Variants in ZNF506 observed in about 807,000 individuals in gnomAD.
The protein encoded by ZNF506 is zinc finger protein 506.
In ZNF506, 10 loss-of-function variants were observed where a neutral mutation model predicts 11.6. That is an observed-to-expected ratio of 0.86 (90% CI 0.53 to 1.46). The LOEUF (loss-of-function observed/expected upper bound fraction) is 1.46, where lower values mean the gene tolerates loss of function less well. Ranked by LOEUF, ZNF506 falls within the 40% of genes most tolerant of loss-of-function variation. ZNF506 has a pLI of 0.00. For synonymous variants in ZNF506, 156 were observed against 173.3 expected (o/e 0.90, Z 0.78); for missense variants, 425 against 521.2 (o/e 0.82, Z 1.80).
chr19:19,797,384 T>G (rs1274546241), intron 3 of ZNF506: 5 of 150,036 alleles, frequency 3.3e-5, no homozygotes, highest in African/African-American at 1.2e-4. Context: ...AGGCGGAGGT[T>G]GCAGTGAGCT....
chr19:19,815,978 T>C (rs1212261753), intron 1 of ZNF506, among the ~76,000 whole-genome samples: 1 of 152,126 alleles, frequency 6.6e-6, no homozygotes, highest in Non-Finnish European at 1.5e-5. Flanking sequence ...CTGGAAAATT[T>C]TTCTGATTAA....
chr19:19,802,320 A>G (rs73528905), intron 3 of ZNF506, among the ~76,000 whole-genome samples: 1 of 152,194 alleles, frequency 6.6e-6, no homozygotes, highest in African/African-American at 2.4e-5. Flanking sequence ...GTAAAATTTC[A>G]GAGAATATAT....
At chr19:19,806,775 T>C (rs972741032) in intron 2 of ZNF506, among the ~76,000 whole-genome samples, 167 bp downstream of exon 2, 1 of 152,152 alleles carries the variant, frequency 6.6e-6, no homozygotes, top group Non-Finnish European at 1.5e-5. Context: ...AGATGAAACA[T>C]CATGAAGAAA....
In ZNF506 at chr19:19,806,979, A is replaced by AT; in HGVS notation, c.92dup (p.Asp31GlufsTer19). On this transcript the variant is annotated frameshift_variant, in exon 2 of 4. Transcript: ENST00000540806. LOFTEE classifies it high-confidence loss of function. ...GGTTTCTGTAGTTCTCTAACATCAC[A>AT]TCCCTATATAGATTCCGCTGTGCAG... is the stretch of plus-strand genomic sequence containing the variant. 6.2e-7 allele frequency: 1 copy of AT among 1,613,882 alleles called. No homozygotes were observed. Among genetic ancestry groups the AT allele is most frequent in the Non-Finnish European group, 8.5e-7 (1 of 1,179,920 alleles).
intron 1 of ZNF506, among the ~76,000 whole-genome samples, chr19:19,810,440 A>C (rs1334840364): frequency 4.6e-5 from 7 of 152,212 alleles, no homozygotes; most frequent in Non-Finnish European, 1.0e-4. Flanking sequence ...GATACAGAGC[A>C]CTATGCTGGG....
At chr19:19,810,018 C>A (rs2062872099) in intron 1 of ZNF506, among the ~76,000 whole-genome samples, 1 of 152,200 alleles carries the variant, frequency 6.6e-6, no homozygotes, top group Non-Finnish European at 1.5e-5. Flanking sequence ...GGGCTGATAA[C>A]CACTAAGCTA....
At position 19,821,640 on chromosome 19, in the gene ZNF506, G is replaced by A. The variant is rs755084008; in HGVS notation, c.-37C>T. The A allele has an allele frequency of 6.2e-6, 10 of 1,613,674 alleles. No individual in the cohort carries two copies. Among genetic ancestry groups the A allele is most frequent in the Non-Finnish European group, 4.2e-6 (5 of 1,179,786 alleles). On this transcript the variant is annotated 5_prime_UTR_variant, in exon 1 of 4. Transcript: ENST00000540806. ...CAGGGGGTCCCGGCGTCCTAGCTGT[G>A]ACCCTCCTAATACCTGCAGGTCACA... is the stretch of plus-strand genomic sequence containing the variant.
At chr19:19,808,996 T>C (rs1349529132) in intron 1 of ZNF506, among the ~76,000 whole-genome samples, 1 of 152,160 alleles carries the variant, frequency 6.6e-6, no homozygotes, top group Non-Finnish European at 1.5e-5. Context: ...CAGAACTTTC[T>C]GGGTAATAAA....
chr19:19,810,959 G>C (rs1170733114), intron 1 of ZNF506, among the ~76,000 whole-genome samples: 43 of 151,690 alleles, frequency 2.8e-4, no homozygotes, highest in Admixed American at 2.8e-3. Context: ...AATCTGAATA[G>C]GTCTGGGGCA....
At position 19,795,156 on chromosome 19, in the gene ZNF506, AG is replaced by A. The variant is rs1173438611; in HGVS notation, c.730del (p.Thr245LeufsTer5). On this transcript the variant is annotated frameshift_variant, in exon 4 of 4. Coordinates refer to ENST00000540806, the MANE Select transcript of ZNF506 (RefSeq NM_001099269.3). LOFTEE classifies it low-confidence loss of function (END_TRUNC). ...AGTATGAATTATCTTATGTGTAGTA[AG>A]GTTACAGGACTGCTTATAGGCTTTG... ...CGKAYKQSCN[L>X]TTHKIIHTGE... 3 of 1,613,720 alleles carry A rather than the reference AG, an allele frequency of 1.9e-6. No individual in the cohort carries two copies. The South Asian group carries it at 3.3e-5, about 18-fold the overall frequency.
At chr19:19,820,910 G>GT (rs113801484) in intron 1 of ZNF506, among the ~76,000 whole-genome samples, 3 of 150,928 alleles carry the variant, frequency 2.0e-5, no homozygotes, top group East Asian at 2.0e-4. Context: ...CCCCGTTTGT[G>GT]TTTTTTTAAG....
chr19:19,813,588 C>T (rs1430959330), intron 1 of ZNF506, among the ~76,000 whole-genome samples: 1 of 152,168 alleles, frequency 6.6e-6, no homozygotes, highest in African/African-American at 2.4e-5. Context: ...TATAAAGACA[C>T]ATCCACATGC....
intron 1 of ZNF506, among the ~76,000 whole-genome samples, chr19:19,813,489 G>A (rs1222557916): frequency 1.3e-5 from 2 of 152,176 alleles, no homozygotes; most frequent in Non-Finnish European, 2.9e-5. Flanking sequence ...AAAAAGCAGT[G>A]TGGTGATTCC....
chr19:19,805,365 T>TTGGATAA (rs1218279205), intron 3 of ZNF506, among the ~76,000 whole-genome samples: 1 of 152,116 alleles, frequency 6.6e-6, no homozygotes, highest in Admixed American at 6.5e-5. Context: ...AGATTAAATA[T>TTGGATAA]TACTGAAGTG....
At chr19:19,800,944 T>C (rs1337410172) in intron 3 of ZNF506, among the ~76,000 whole-genome samples, 2 of 151,794 alleles carry the variant, frequency 1.3e-5, no homozygotes, top group Non-Finnish European at 2.9e-5. Context: ...GCGGATCACC[T>C]GAGGTCAGGA....
chr19:19,794,174 G>C lies in ZNF506; in HGVS notation c.*378C>G, dbSNP rs2062717716. 5.8e-6 allele frequency: 1 copy of C among 171,648 alleles called. No homozygotes were observed. The highest frequency in any genetic ancestry group is 1.3e-5 in the Non-Finnish European group (1 of 79,854). 10.6% of individuals were successfully genotyped at this position (171,648 alleles called of 1,614,324 possible). ...AAAATACAAAAATTAGCTGGGCATG[G>C]TGGTGGGCACCAGTAATCCCAGCTA... On this transcript the variant is annotated 3_prime_UTR_variant, in exon 4 of 4. Transcript: ENST00000540806.
At chr19:19,816,172 TTTC>T (rs995729176) in intron 1 of ZNF506, among the ~76,000 whole-genome samples, 2 of 150,878 alleles carry the variant, frequency 1.3e-5, no homozygotes, top group Non-Finnish European at 2.9e-5. Flanking sequence ...TAATGAAATA[TTTC>T]TTTTCTTTTC....
At chr19:19,810,465 C>G (rs2062875124) in intron 1 of ZNF506, among the ~76,000 whole-genome samples, 1 of 152,090 alleles carries the variant, frequency 6.6e-6, no homozygotes, top group African/African-American at 2.4e-5. Context: ...CTCATAACAT[C>G]CTGGGAGCTG....
At position 19,812,191 on chromosome 19, in the gene ZNF506, G is replaced by T. The variant is rs551891278; in HGVS notation, c.4-5123C>A. On this transcript the variant is annotated intron_variant, in intron 1 of 3. Transcript: ENST00000540806. ...AGATGACTCATTTCTCTTACACTGA[G>T]ACAGAAGCAGAATTAACTCCTGTCA... Among the ~76,000 whole-genome samples the T allele has an allele frequency of 9.2e-5, 14 of 152,322 alleles. 1 individual carries two copies. In the South Asian group the frequency reaches 2.9e-3, roughly 32 times the overall value.
Sources: gnomAD v4.1 joint callset for allele counts (sites outside exome capture counted in the v4.1 genomes callset) on GRCh38, gnomAD v4.1.1 for gene constraint, MANE v1.5 for transcripts, NCBI Gene and HGNC (gene_info 2026-07-23, HGNC 2026-07-21) for gene names.